The following CENPW variants were observed in gnomAD, a reference collection of about 807,000 sequenced individuals.
The protein encoded by CENPW is centromere protein W.
CENPW carries 3 observed loss-of-function variants against 11.1 expected under a neutral mutation model. The observed-to-expected ratio is 0.27, with a 90% confidence interval of 0.12 to 0.70. The LOEUF (loss-of-function observed/expected upper bound fraction) is 0.70, where lower values mean the gene tolerates loss of function less well. CENPW is among the 30% of genes least tolerant of loss of function. The pLI is 0.77. For missense variants in CENPW, 100 were observed against 105.6 expected (o/e 0.95, Z 0.23); for synonymous variants, 38 against 42.0 (o/e 0.91, Z 0.37).
the CENPW span, among the ~76,000 whole-genome samples, chr6:126,427,729 A>G: frequency 6.6e-6 from 1 of 152,174 alleles, no homozygotes; most frequent in East Asian, 1.9e-4. Context: ...AAAGTATTCA[A>G]CTGTTGTGTG....
At chr6:126,459,285 A>G in the CENPW span, among the ~76,000 whole-genome samples, 4 of 151,436 alleles carry the variant, frequency 2.6e-5, no homozygotes, top group South Asian at 8.3e-4. Context: ...TATTTTAGAG[A>G]ATAGAAACTT....
At chr6:126,462,478 C>T in the CENPW span, among the ~76,000 whole-genome samples, 2 of 149,258 alleles carry the variant, frequency 1.3e-5, no homozygotes, top group Non-Finnish European at 3.0e-5. Context: ...CTCTTATTCC[C>T]TCATTTCCTT....
the CENPW span, among the ~76,000 whole-genome samples, chr6:126,462,159 AT>A: frequency 6.6e-6 from 1 of 151,834 alleles, no homozygotes; most frequent in East Asian, 1.9e-4. Context: ...TTTTATCTTT[AT>A]TTTTTATCAT....
chr6:126,397,349 A>G, the CENPW span, among the ~76,000 whole-genome samples: 1 of 152,102 alleles, frequency 6.6e-6, no homozygotes, highest in African/African-American at 2.4e-5. Context: ...ACTGAATTCA[A>G]TGCACTGGCT....
the CENPW span, among the ~76,000 whole-genome samples, chr6:126,422,178 A>G: frequency 3.3e-5 from 5 of 152,130 alleles, no homozygotes; most frequent in African/African-American, 7.2e-5. Flanking sequence ...GAGAATAAAT[A>G]AATATCGAGG....
chr6:126,384,974 C>T, the CENPW span, among the ~76,000 whole-genome samples: 10 of 151,832 alleles, frequency 6.6e-5, no homozygotes, highest in East Asian at 1.9e-4. Flanking sequence ...TTTTCAAATG[C>T]GTACACACAT....
At chr6:126,481,375 A>G in the CENPW span, among the ~76,000 whole-genome samples, 160 of 152,122 alleles carry the variant, frequency 1.1e-3, no homozygotes, top group Non-Finnish European at 1.8e-3. Flanking sequence ...AATACTGTAG[A>G]CTGGGTAATG....
At chr6:126,463,342 C>T in the CENPW span, among the ~76,000 whole-genome samples, 20 of 152,098 alleles carry the variant, frequency 1.3e-4, no homozygotes, top group Admixed American at 1.2e-3. Context: ...TTTAGAATCA[C>T]AGTTTAGGAA....
the CENPW span, among the ~76,000 whole-genome samples, chr6:126,360,382 G>A: frequency 6.6e-6 from 1 of 152,102 alleles, no homozygotes; most frequent in African/African-American, 2.4e-5. Flanking sequence ...TGACCTTGGA[G>A]AATCTGATGA....
chr6:126,465,650 T>C, the CENPW span, among the ~76,000 whole-genome samples: 1 of 152,072 alleles, frequency 6.6e-6, no homozygotes, highest in Non-Finnish European at 1.5e-5. Flanking sequence ...AACAGTATGT[T>C]TTTGACATAA....
chr6:126,347,965 G>T (rs973178614), intron 2 of CENPW, among the ~76,000 whole-genome samples: 1 of 151,840 alleles, frequency 6.6e-6, no homozygotes, highest in Non-Finnish European at 1.5e-5. Flanking sequence ...AGTCTCAAAT[G>T]ATTATAATTC....
chr6:126,388,689 T>G, the CENPW span, among the ~76,000 whole-genome samples: 1 of 151,976 alleles, frequency 6.6e-6, no homozygotes, highest in Non-Finnish European at 1.5e-5. Flanking sequence ...CATTTGGGCT[T>G]TAGGTGTGTC....
At chr6:126,352,633 T>C (rs1780504333), downstream of CENPW, among the ~76,000 whole-genome samples, 1 of 152,144 alleles carries the variant, frequency 6.6e-6, no homozygotes, top group African/African-American at 2.4e-5. Flanking sequence ...TTGTATGATA[T>C]ATATCTTCCA....
At chr6:126,360,906 G>A in the CENPW span, among the ~76,000 whole-genome samples, 1 of 133,204 alleles carries the variant, frequency 7.5e-6, no homozygotes, top group African/African-American at 2.5e-5. Flanking sequence ...TGAATTCTGT[G>A]TGTGTCATTT....
At chr6:126,415,149 C>A in the CENPW span, among the ~76,000 whole-genome samples, 1 of 151,434 alleles carries the variant, frequency 6.6e-6, no homozygotes, top group African/African-American at 2.4e-5. Flanking sequence ...TTTTGTGTAA[C>A]TCAAGGGGGT....
At chr6:126,399,046 T>C in the CENPW span, among the ~76,000 whole-genome samples, 1 of 152,228 alleles carries the variant, frequency 6.6e-6, no homozygotes, top group East Asian at 1.9e-4. Context: ...ATTTTCTTTA[T>C]CCAGTTAACT....
chr6:126,463,085 G>A, the CENPW span, among the ~76,000 whole-genome samples: 2 of 152,020 alleles, frequency 1.3e-5, no homozygotes, highest in Non-Finnish European at 2.9e-5. Context: ...AGTTTTAACT[G>A]TGGCTCTGTT....
At chr6:126,438,305 G>T in the CENPW span, among the ~76,000 whole-genome samples, 2 of 151,564 alleles carry the variant, frequency 1.3e-5, no homozygotes, top group Admixed American at 6.6e-5. Context: ...ATTTCATTTG[G>T]ATACAAACCT....
At chr6:126,414,302 T>G in the CENPW span, among the ~76,000 whole-genome samples, 1 of 152,234 alleles carries the variant, frequency 6.6e-6, no homozygotes, top group East Asian at 1.9e-4. Flanking sequence ...AACTTCACAT[T>G]ACACCTAACA....
Sources: gnomAD v4.1 joint callset for allele counts (sites outside exome capture counted in the v4.1 genomes callset) on GRCh38, gnomAD v4.1.1 for gene constraint, MANE v1.5 for transcripts, NCBI Gene and HGNC (gene_info 2026-07-23, HGNC 2026-07-21) for gene names.